The following BRAF variants were observed in gnomAD, a reference collection of about 807,000 sequenced individuals.
BRAF encodes serine/threonine-protein kinase B-raf.
A neutral mutation model predicts 104.6 loss-of-function variants in BRAF; 16 were observed. The ratio of observed to expected loss-of-function variants is 0.15; its 90% CI spans 0.10 to 0.23. The LOEUF is 0.23. BRAF is among the 10% of genes least tolerant of loss of function. BRAF has a pLI of 1.00. For missense variants in BRAF, 541 were observed against 937.3 expected, an observed-to-expected ratio of 0.58 and a Z score of 5.52; for synonymous variants, 310 against 341.6, an observed-to-expected ratio of 0.91 and a Z score of 1.02.
chr7:140,888,065 G>A (rs1034023439), intron 1 of BRAF, among the ~76,000 whole-genome samples: 13 of 152,038 alleles, frequency 8.6e-5, no homozygotes, highest in Non-Finnish European at 1.8e-4. Context: ...ATAGAGACGG[G>A]GTTTCACTGT....
chr7:140,904,262 T>G (rs1264927003), intron 1 of BRAF, among the ~76,000 whole-genome samples: 1 of 152,128 alleles, frequency 6.6e-6, no homozygotes, highest in Non-Finnish European at 1.5e-5. Flanking sequence ...CCACCAGGGA[T>G]GAACCAGCAG....
chr7:140,780,671 C>A (rs1800780968), intron 12 of BRAF: 1 of 152,158 alleles, frequency 6.6e-6, no homozygotes, highest in African/African-American at 2.4e-5. Context: ...TGTACCTCTA[C>A]CATGCCATTT....
At chr7:140,867,586 CTG>C (rs1811110589) in intron 1 of BRAF, among the ~76,000 whole-genome samples, 1 of 151,478 alleles carries the variant, frequency 6.6e-6, no homozygotes, top group African/African-American at 2.4e-5. Flanking sequence ...AAAACAGAGA[CTG>C]TGAGCAGGAT....
intron 19 of BRAF, among the ~76,000 whole-genome samples, chr7:140,727,772 A>C (rs1795692459): frequency 6.6e-6 from 1 of 151,936 alleles, no homozygotes; most frequent in African/African-American, 2.4e-5. Flanking sequence ...AGGCACATGA[A>C]GCCACGCCCG....
chr7:140,721,854 T>G lies in BRAF; in HGVS notation c.*4640A>C. On this transcript the variant is annotated 3_prime_UTR_variant, in exon 20 of 20. Transcript: ENST00000644969. ...CCTCCACCCTGGCCCCCACAGCGCT[T>G]TGGGACAGGATGACTAACGCAGTCC... 2.3e-6 allele frequency: 3 copies of G among 1,314,332 alleles called. No homozygotes were observed. The highest frequency in any genetic ancestry group is 9.7e-7 in the Non-Finnish European group (1 of 1,034,508). The allele number at this position is 1,314,332 out of a possible 1,614,324, so 81.4% of individuals were successfully genotyped here. A position where few individuals can be genotyped will look rare whatever the true frequency, so the allele number is the denominator to read the frequency against.
intron 1 of BRAF, among the ~76,000 whole-genome samples, chr7:140,875,230 T>C (rs971859793): frequency 2.6e-5 from 4 of 152,170 alleles, no homozygotes; most frequent in Non-Finnish European, 4.4e-5. Context: ...ATTAAAAATA[T>C]CTGAAGAAAT....
downstream of BRAF, among the ~76,000 whole-genome samples, chr7:140,715,483 T>C (rs1321350744): frequency 6.6e-6 from 1 of 152,212 alleles, no homozygotes; most frequent in Non-Finnish European, 1.5e-5. Flanking sequence ...ATAAAAGTTT[T>C]TTTGGAAAGA....
At chr7:140,769,830 C>G (rs1344915204) in intron 14 of BRAF, among the ~76,000 whole-genome samples, 2 of 152,174 alleles carry the variant, frequency 1.3e-5, no homozygotes, top group African/African-American at 4.8e-5. Context: ...TTACCCTAGT[C>G]TTCCAAAGTG....
chr7:140,812,473 C>G (rs1421800099), intron 3 of BRAF, among the ~76,000 whole-genome samples: 2 of 152,142 alleles, frequency 1.3e-5, no homozygotes, highest in African/African-American at 4.8e-5. Context: ...GGTAATTTCC[C>G]TTAGGCACTC....
At chr7:140,878,487 C>T (rs539268682) in intron 1 of BRAF, among the ~76,000 whole-genome samples, 14 of 151,986 alleles carry the variant, frequency 9.2e-5, no homozygotes, top group South Asian at 2.1e-4. Context: ...CTACAGAATG[C>T]AAGAAAATAG....
intron 1 of BRAF, among the ~76,000 whole-genome samples, chr7:140,873,166 CTTTTTTT>C (rs1165344332): frequency 3.0e-5 from 3 of 99,148 alleles, no homozygotes; most frequent in Non-Finnish European, 5.6e-5. Flanking sequence ...CAGTCTGTGG[CTTTTTTT>C]TTTTTTTTTT....
chr7:140,896,974 A>G (rs760976743), intron 1 of BRAF, among the ~76,000 whole-genome samples: 5 of 151,818 alleles, frequency 3.3e-5, no homozygotes, highest in Non-Finnish European at 7.4e-5. Context: ...TCTCTAATAT[A>G]TATGTCCCTA....
At chr7:140,851,486 C>A (rs1290348790) in intron 1 of BRAF, among the ~76,000 whole-genome samples, 1 of 152,104 alleles carries the variant, frequency 6.6e-6, no homozygotes, top group Non-Finnish European at 1.5e-5. Flanking sequence ...AATTTCCTTA[C>A]TAAAGGACAT....
At chr7:140,866,076 G>A (rs1810934851) in intron 1 of BRAF, among the ~76,000 whole-genome samples, 1 of 152,126 alleles carries the variant, frequency 6.6e-6, no homozygotes, top group Admixed American at 6.5e-5. Flanking sequence ...ATTCAAATGG[G>A]TTTTCAGTGA....
intron 1 of BRAF, among the ~76,000 whole-genome samples, chr7:140,907,249 A>T (rs1484109212): frequency 6.6e-6 from 1 of 152,016 alleles, no homozygotes; most frequent in Non-Finnish European, 1.5e-5. Context: ...CAAATCTATT[A>T]AGTTGGGTTT....
At chr7:140,815,659 C>T (rs891937248) in intron 3 of BRAF, among the ~76,000 whole-genome samples, 1 of 149,864 alleles carries the variant, frequency 6.7e-6, no homozygotes, top group Non-Finnish European at 1.5e-5. Flanking sequence ...TGGTCTCGAA[C>T]TCCTTACCTC....
At chr7:140,919,126 G>A (rs1420631480) in intron 1 of BRAF, among the ~76,000 whole-genome samples, 1 of 142,652 alleles carries the variant, frequency 7.0e-6, no homozygotes, top group African/African-American at 2.6e-5. Context: ...CAGTCTGCGA[G>A]ACAGAGCGAG....
chr7:140,754,069 T>A, intron 15 of BRAF, 118 bp downstream of exon 14: 1 of 1,084,760 alleles, frequency 9.2e-7, no homozygotes, highest in Non-Finnish European at 1.4e-6. Context: ...CTTTATTAAT[T>A]CTCTTTACAG....
chr7:140,758,772 A>G (rs1478721960), intron 14 of BRAF, among the ~76,000 whole-genome samples: 2 of 152,188 alleles, frequency 1.3e-5, no homozygotes, highest in Non-Finnish European at 2.9e-5. Context: ...AAAAACTGAA[A>G]TTTACTGAGG....
Sources: allele counts gnomAD v4.1 joint callset (sites outside exome capture counted in the v4.1 genomes callset), GRCh38; gene constraint gnomAD v4.1.1; transcripts MANE v1.5; gene names NCBI Gene and HGNC (gene_info 2026-07-23, HGNC 2026-07-21).